Variants in PLPPR1 observed in about 807,000 individuals in gnomAD.
PLPPR1 encodes phospholipid phosphatase-related protein type 1.
Under a neutral mutation model 33.1 loss-of-function variants are expected in PLPPR1, and 10 were observed. The ratio of observed to expected loss-of-function variants is 0.30; its 90% CI spans 0.19 to 0.51. PLPPR1 has a LOEUF of 0.51. Among genes scored for constraint, PLPPR1 ranks in the 20% least tolerant of loss-of-function variants. The probability of loss-of-function intolerance (pLI) is 0.97; values close to 1 mark genes in which losing one functional copy is unlikely to be tolerated. For synonymous variants in PLPPR1, 151 were observed against 151.0 expected, an observed-to-expected ratio of 1.00 and a Z score of 0.00; for missense variants, 304 against 408.1, an observed-to-expected ratio of 0.74 and a Z score of 2.20.
intron 5 of PLPPR1, among the ~76,000 whole-genome samples, chr9:101,309,840 TG>T (rs1315105861): frequency 6.6e-6 from 1 of 152,138 alleles, no homozygotes; most frequent in African/African-American, 2.4e-5. Flanking sequence ...AGGTTTTCGT[TG>T]GTTTCGGAAC....
At chr9:101,130,178 CATG>C (rs1831297380) in intron 1 of PLPPR1, among the ~76,000 whole-genome samples, 1 of 152,160 alleles carries the variant, frequency 6.6e-6, no homozygotes, top group African/African-American at 2.4e-5. Context: ...AATTATACCT[CATG>C]AAGCTGGGGG....
intron 1 of PLPPR1, among the ~76,000 whole-genome samples, chr9:101,165,004 C>T (rs1431463): frequency 0.43 from 65,916 of 151,888 alleles, 14,867 homozygotes; most frequent in Non-Finnish European, 0.5. Flanking sequence ...CCACAGTTCT[C>T]CTTGGAACAA....
intron 1 of PLPPR1, among the ~76,000 whole-genome samples, chr9:101,084,879 T>G (rs1053181326): frequency 5.3e-5 from 8 of 152,200 alleles, no homozygotes. Context: ...AGAGAATGCA[T>G]GTCCCACCTA....
At chr9:101,180,816 T>C (rs1328859079) in intron 1 of PLPPR1, among the ~76,000 whole-genome samples, 1 of 151,734 alleles carries the variant, frequency 6.6e-6, no homozygotes, top group East Asian at 1.9e-4. Flanking sequence ...TGCTTCACAA[T>C]ATTGGACTGG....
chr9:101,321,432 A>C (rs1018314490), intron 7 of PLPPR1, among the ~76,000 whole-genome samples: 1 of 152,200 alleles, frequency 6.6e-6, no homozygotes, highest in African/African-American at 2.4e-5. Context: ...AATCTTTCCC[A>C]AATACCATAG....
intron 4 of PLPPR1, among the ~76,000 whole-genome samples, chr9:101,306,144 C>G (rs1157066573): frequency 6.6e-6 from 1 of 152,178 alleles, no homozygotes; most frequent in African/African-American, 2.4e-5. Context: ...TTGACCCTTC[C>G]TTGGCCATTG....
At chr9:101,164,369 T>TC (rs1007334270) in intron 1 of PLPPR1, among the ~76,000 whole-genome samples, 15 of 151,554 alleles carry the variant, frequency 9.9e-5, no homozygotes, top group Non-Finnish European at 1.8e-4. Context: ...TCTTTTCTTT[T>TC]TTTTTTTTTC....
At chr9:101,309,519 C>G in intron 5 of PLPPR1, 58 bp downstream of exon 5, 1 of 1,556,688 alleles carries the variant, frequency 6.4e-7, no homozygotes, top group South Asian at 1.2e-5. Context: ...GTGTGTCTCC[C>G]TGCCCTGTCT....
At chr9:101,225,979 CAGTA>C (rs1224686954) in intron 2 of PLPPR1, among the ~76,000 whole-genome samples, 6 of 152,076 alleles carry the variant, frequency 3.9e-5, no homozygotes, top group East Asian at 1.9e-4. Context: ...GTAGATCGTA[CAGTA>C]AGTAAGTGAG....
At chr9:101,147,034 C>T (rs116175777) in intron 1 of PLPPR1, among the ~76,000 whole-genome samples, 1,540 of 152,230 alleles carry the variant, frequency 0.01, 24 homozygotes, top group African/African-American at 0.029. Flanking sequence ...GCTCAGCTAC[C>T]TGATAACGTT....
At chr9:101,123,034 C>T (rs1213119142) in intron 1 of PLPPR1, among the ~76,000 whole-genome samples, 1 of 152,202 alleles carries the variant, frequency 6.6e-6, no homozygotes, top group African/African-American at 2.4e-5. Context: ...TTCACCTGGG[C>T]TTGTGCCAAG....
intron 1 of PLPPR1, among the ~76,000 whole-genome samples, chr9:101,076,432 C>G (rs148874403): frequency 6.6e-6 from 1 of 152,068 alleles, no homozygotes; most frequent in Admixed American, 6.6e-5. Context: ...TGTGGCTCAG[C>G]GGGAAAGAAC....
intron 1 of PLPPR1, among the ~76,000 whole-genome samples, chr9:101,089,954 A>G (rs12343295): frequency 0.059 from 8,923 of 152,218 alleles, 682 homozygotes; most frequent in East Asian, 0.26. Flanking sequence ...ATTGTCTCAC[A>G]GACTGGAGGC....
intron 1 of PLPPR1, among the ~76,000 whole-genome samples, chr9:101,095,898 A>T (rs1830811171): frequency 6.6e-6 from 1 of 152,100 alleles, no homozygotes; most frequent in African/African-American, 2.4e-5. Context: ...TTTCTTATTG[A>T]TTGTGGTTAA....
chr9:101,124,167 A>G (rs1831213577), intron 1 of PLPPR1, among the ~76,000 whole-genome samples: 1 of 152,028 alleles, frequency 6.6e-6, no homozygotes, highest in Admixed American at 6.6e-5. Flanking sequence ...ATCCAGCTTC[A>G]TTTTTCTTAG....
At chr9:101,124,946 C>T (rs1399417639) in intron 1 of PLPPR1, among the ~76,000 whole-genome samples, 1 of 152,334 alleles carries the variant, frequency 6.6e-6, no homozygotes, top group African/African-American at 2.4e-5. Flanking sequence ...AGTTAAAGGA[C>T]CAAAAGGTCC....
chr9:101,301,850 T>C (rs987108912), intron 4 of PLPPR1, among the ~76,000 whole-genome samples: 2 of 152,206 alleles, frequency 1.3e-5, no homozygotes, highest in African/African-American at 4.8e-5. Context: ...GACTACAAAA[T>C]TGAAGAATTC....
chr9:101,088,715 C>G (rs1025609723), intron 1 of PLPPR1, among the ~76,000 whole-genome samples: 4 of 152,116 alleles, frequency 2.6e-5, no homozygotes, highest in African/African-American at 9.7e-5. Flanking sequence ...TGCTCTCACC[C>G]TGTAAAATGC....
intron 2 of PLPPR1, among the ~76,000 whole-genome samples, chr9:101,189,400 A>C (rs141583920): frequency 1.8e-3 from 278 of 152,264 alleles, no homozygotes; most frequent in South Asian, 7.0e-3. Context: ...CAGAGAGAAT[A>C]GACTGTAAAT....
Sources: gnomAD v4.1 joint callset for allele counts (sites outside exome capture counted in the v4.1 genomes callset) on GRCh38, gnomAD v4.1.1 for gene constraint, MANE v1.5 for transcripts, NCBI Gene and HGNC (gene_info 2026-07-23, HGNC 2026-07-21) for gene names.